The following ABHD12B variants were observed in gnomAD, a reference collection of about 807,000 sequenced individuals.
The protein encoded by ABHD12B is protein ABHD12B.
A neutral mutation model predicts 50.4 loss-of-function variants in ABHD12B; 42 were observed. The observed-to-expected ratio is 0.83, with a 90% CI of 0.65 to 1.08. ABHD12B has a LOEUF of 1.08. ABHD12B is among the 50% of genes least tolerant of loss of function. The probability of loss-of-function intolerance (pLI) is 0.00; values close to 1 mark genes in which losing one functional copy is unlikely to be tolerated. For synonymous variants in ABHD12B, 167 were observed against 160.3 expected, an observed-to-expected ratio of 1.04 and a Z score of -0.32; for missense variants, 479 against 447.7, an observed-to-expected ratio of 1.07 and a Z score of -0.63.
intron 9 of ABHD12B, among the ~76,000 whole-genome samples, chr14:50,896,008 T>C (rs1419330501): frequency 2.0e-5 from 3 of 151,472 alleles, no homozygotes; most frequent in African/African-American, 4.9e-5. Flanking sequence ...ATTGCCGCCC[T>C]TCTTCCCAAT....
intron 4 of ABHD12B, among the ~76,000 whole-genome samples, 165 bp from the exon 5 acceptor site, chr14:50,881,429 ATT>A (rs150141062): frequency 4.2e-5 from 6 of 141,346 alleles, no homozygotes; most frequent in Admixed American, 1.4e-4. Context: ...GAAACCCAGC[ATT>A]TTTTTTTTTT....
chr14:50,875,013 A>G (rs905216707), intron 1 of ABHD12B, among the ~76,000 whole-genome samples: 3 of 152,242 alleles, frequency 2.0e-5, no homozygotes, highest in African/African-American at 7.2e-5. Context: ...GTCAATATTT[A>G]CTGAGCTCAG....
chr14:50,889,362 G>A (rs544910408), intron 9 of ABHD12B, among the ~76,000 whole-genome samples: 8 of 152,312 alleles, frequency 5.3e-5, no homozygotes, highest in East Asian at 3.9e-4. Context: ...TACAAAGGCC[G>A]GGAGTGGTGG....
At chr14:50,886,881 G>C (rs182765699) in intron 8 of ABHD12B, among the ~76,000 whole-genome samples, 197 bp downstream of exon 8, 5 of 152,252 alleles carry the variant, frequency 3.3e-5, no homozygotes, top group Admixed American at 1.3e-4. Flanking sequence ...AGATTCTGCA[G>C]TTAAAAATAA....
chr14:50,903,093 G>A (rs1369442648), intron 10 of ABHD12B, among the ~76,000 whole-genome samples: 2 of 145,856 alleles, frequency 1.4e-5, no homozygotes, highest in African/African-American at 5.0e-5. Context: ...TACAAAATCA[G>A]TGTTTCAGTG....
rs8013235 is a variant in ABHD12B, at chr14:50,877,229, G to C, written c.105-723G>C. On this transcript the variant is annotated intron_variant, in intron 1 of 12. Transcript: ENST00000337334. ...ACTGGCTCATTTCTTCCTAAGATAA[G>C]TCCAGAATATAGAGGATCTAGGGAT... 3.9e-5 allele frequency among the ~76,000 whole-genome samples: 6 copies of C among 152,342 alleles called. No homozygotes were observed. The East Asian group carries it at 1.2e-3, about 29-fold the overall frequency.
intron 9 of ABHD12B, among the ~76,000 whole-genome samples, chr14:50,890,111 T>C (rs1414982247): frequency 6.6e-6 from 1 of 152,232 alleles, no homozygotes; most frequent in Admixed American, 6.5e-5. Flanking sequence ...TTCAATTGGT[T>C]CTAGAAACTG....
intron 3 of ABHD12B, 98 bp downstream of exon 3, chr14:50,878,945 G>A (rs889545091): frequency 1.2e-5 from 11 of 950,738 alleles, no homozygotes; most frequent in East Asian, 2.4e-5. Flanking sequence ...CGGAGAGGTC[G>A]GTGCTCCTGG....
At chr14:50,902,812 G>A (rs1165108721) in intron 10 of ABHD12B, among the ~76,000 whole-genome samples, 2 of 152,150 alleles carry the variant, frequency 1.3e-5, no homozygotes, top group Non-Finnish European at 2.9e-5. Flanking sequence ...TAACTAGAGT[G>A]GGAGACAAGA....
chr14:50,894,682 C>T (rs2050170238), intron 9 of ABHD12B, among the ~76,000 whole-genome samples: 1 of 151,856 alleles, frequency 6.6e-6, no homozygotes, highest in South Asian at 2.1e-4. Flanking sequence ...GTCTGAGGTG[C>T]CTGACGTCCA....
intron 1 of ABHD12B, among the ~76,000 whole-genome samples, chr14:50,872,940 A>G (rs955217467): frequency 6.6e-6 from 1 of 152,220 alleles, no homozygotes; most frequent in African/African-American, 2.4e-5. Context: ...CGGTTTAAAC[A>G]GTAATCTTAA....
chr14:50,883,107 C>T (rs962115692), intron 5 of ABHD12B, among the ~76,000 whole-genome samples: 10 of 152,150 alleles, frequency 6.6e-5, no homozygotes, highest in African/African-American at 2.4e-4. Flanking sequence ...CCCTGTGTTT[C>T]CAGGTATGCA....
At chr14:50,900,064 C>A (rs1164152361) in intron 9 of ABHD12B, among the ~76,000 whole-genome samples, 1 of 151,904 alleles carries the variant, frequency 6.6e-6, no homozygotes, top group Non-Finnish European at 1.5e-5. Context: ...CATGGTGAAA[C>A]CCCTTCTGTA....
chr14:50,888,982 T>A (rs2050080604), intron 9 of ABHD12B, 79 bp downstream of exon 9: 2 of 1,120,042 alleles, frequency 1.8e-6, no homozygotes, highest in Non-Finnish European at 2.6e-6. Context: ...CACATGTATG[T>A]TTATTAACAG....
rs1176022202 is a variant in ABHD12B at position 50,884,035 on chromosome 14, ATCATAGT to A, written c.487-1577_487-1571del. 6.0e-4 allele frequency among the ~76,000 whole-genome samples: 7 copies of A among 11,746 alleles called. No individual in the cohort carries two copies. In the Non-Finnish European group the frequency reaches 0.017, roughly 28 times the overall value. 7.7% of individuals were successfully genotyped at this position (11,746 alleles called of 152,430 possible). A position where few individuals can be genotyped will look rare whatever the true frequency, so the allele number is the denominator to read the frequency against. On this transcript the variant is annotated intron_variant, in intron 5 of 12. Transcript: ENST00000337334. ...GACATTCTTCCATGTTTTCACAGTC[ATCATAGT>A]TAGCCAGTTTAAAAGGTTGTGTCAT...
chr14:50,886,302 G>C (rs1458246557), intron 7 of ABHD12B, among the ~76,000 whole-genome samples: 1 of 152,018 alleles, frequency 6.6e-6, no homozygotes, highest in African/African-American at 2.4e-5. Context: ...AGCTGGGCTT[G>C]GTGGTGCGTG....
At chr14:50,896,915 T>C (rs1193460223) in intron 9 of ABHD12B, among the ~76,000 whole-genome samples, 1 of 152,196 alleles carries the variant, frequency 6.6e-6, no homozygotes, top group Non-Finnish European at 1.5e-5. Flanking sequence ...TTTTTTGGAC[T>C]GCTTGCTTTT....
At position 50,880,586 on chromosome 14, in the gene ABHD12B, T is replaced by C. The variant is rs560987049; in HGVS notation, c.455+15T>C. ...GCAGAACACAGGTCAGTGGCTCTGC[T>C]TACATATTTTTTTTTCAGGAGATTG... On this transcript the variant is annotated intron_variant, in intron 4 of 12. Transcript: ENST00000337334. 2.0e-5 allele frequency: 31 copies of C among 1,542,212 alleles called. No individual in the cohort carries two copies. In the East Asian group the frequency reaches 7.0e-4, roughly 35 times the overall value.
At chr14:50,903,955 C>T (rs956755663) in intron 11 of ABHD12B, 119 bp from the exon 12 acceptor site, 2 of 795,610 alleles carry the variant, frequency 2.5e-6, no homozygotes, top group African/African-American at 3.5e-5. Flanking sequence ...TTTTCTGTCT[C>T]TGACTTAATG....
Sources: gnomAD v4.1 joint callset for allele counts (sites outside exome capture counted in the v4.1 genomes callset) on GRCh38, gnomAD v4.1.1 for gene constraint, MANE v1.5 for transcripts, NCBI Gene and HGNC (gene_info 2026-07-23, HGNC 2026-07-21) for gene names.